PTPN12: variants seen among roughly 807,000 people sequenced by gnomAD.
The protein encoded by PTPN12 is tyrosine-protein phosphatase non-receptor type 12.
PTPN12 carries 29 observed loss-of-function variants against 97.6 expected under a neutral mutation model. That is an observed-to-expected ratio of 0.30 (90% CI 0.22 to 0.41). The LOEUF is 0.41. PTPN12 is among the 10% of genes least tolerant of loss of function. The pLI, the probability that PTPN12 is intolerant of heterozygous loss-of-function variation, is 1.00. For synonymous variants in PTPN12, 327 were observed against 300.4 expected, an observed-to-expected ratio of 1.09 and a Z score of -0.91; for missense variants, 819 against 926.0, an observed-to-expected ratio of 0.88 and a Z score of 1.50.
Position 77,627,364 on chromosome 7 carries a change from C to T in PTPN12, c.1685C>T (p.Thr562Ile). 2 of 1,614,028 alleles carry T rather than the reference C, an allele frequency of 1.2e-6. No homozygotes were observed. Among genetic ancestry groups the T allele is most frequent in the Non-Finnish European group, 1.7e-6 (2 of 1,179,928 alleles). The change falls in exon 13 of 18, where the codon ACT becomes ATT. Residue 562 changes from threonine (T) to isoleucine (I), a missense_variant. By Grantham distance (89) the Thr-to-Ile change is moderately conservative (BLOSUM62 -1). Transcript: ENST00000248594. ...AATTCCTCAGATATCAACTATCAAA[C>T]TAGGAAAACTGTGAGTTTAACACCA... is the stretch of plus-strand genomic sequence containing the variant. Reference protein sequence around the residue: ...EGNSSDINYQTRKTVSLTPSP... With the variant: ...EGNSSDINYQIRKTVSLTPSP...
chr7:77,617,681 A>T (rs995500290), intron 11 of PTPN12, among the ~76,000 whole-genome samples: 1 of 152,228 alleles, frequency 6.6e-6, no homozygotes, highest in African/African-American at 2.4e-5. Context: ...TTCTGGACAT[A>T]ACATACCCTA....
intron 1 of PTPN12, among the ~76,000 whole-genome samples, chr7:77,564,753 T>TGTTTTTG (rs1562715116): frequency 2.5e-5 from 2 of 81,628 alleles, no homozygotes; most frequent in African/African-American, 1.1e-4. Flanking sequence ...CGTGTTTTTT[T>TGTTTTTG]TTTTTTTTTT....
chr7:77,600,633 C>T lies in PTPN12; in HGVS notation c.553-31C>T. The T allele has an allele frequency of 2.6e-6, 4 of 1,542,692 alleles. No homozygotes were observed. In the South Asian group the frequency reaches 4.9e-5, roughly 19 times the overall value. ...AACTTTAAACTTTGCAAAGTATTTT[C>T]ATAATTGTTGACTTTCTGTTTTTCT... is the stretch of plus-strand genomic sequence containing the variant. On this transcript the variant is annotated intron_variant, in intron 7 of 17. Transcript: ENST00000248594.
At chr7:77,603,751 T>C (rs1425860606) in intron 8 of PTPN12, among the ~76,000 whole-genome samples, 1 of 152,208 alleles carries the variant, frequency 6.6e-6, no homozygotes, top group East Asian at 1.9e-4. Context: ...CATAAACTTT[T>C]AAAGTATTTT....
At chr7:77,544,993 A>G (rs1050934353) in intron 1 of PTPN12, among the ~76,000 whole-genome samples, 1 of 152,250 alleles carries the variant, frequency 6.6e-6, no homozygotes, top group African/African-American at 2.4e-5. Context: ...AAAATACAAG[A>G]TAAGAGCTAC....
At position 77,537,476 on chromosome 7, in the gene PTPN12, C is replaced by G; in HGVS notation, c.-71C>G. ...TGCTGGGGGAACGAGCTGGGGAAGA[C>G]GGAGCGGGCTCTGTGCCGGGCGGGC... On this transcript the variant is annotated 5_prime_UTR_variant, in exon 1 of 18. Transcript: ENST00000248594. The G allele has an allele frequency of 1.7e-6, 2 of 1,149,964 alleles. No individual in the cohort carries two copies. The highest frequency in any genetic ancestry group is 2.2e-6 in the Non-Finnish European group (2 of 897,444). The allele number at this position is 1,149,964 out of a possible 1,614,324, so 71.2% of individuals were successfully genotyped here.
intron 11 of PTPN12, among the ~76,000 whole-genome samples, chr7:77,613,167 G>GT (rs576216122): frequency 0.027 from 2,371 of 88,376 alleles, 20 homozygotes; most frequent in Non-Finnish European, 0.034. Context: ...TAATTTTTGG[G>GT]TTTTTTTTTT....
chr7:77,538,033 G>T (rs952856232), intron 1 of PTPN12: 1 of 1,016,418 alleles, frequency 9.8e-7, no homozygotes, highest in African/African-American at 1.7e-5. Context: ...CCTCCCAGGA[G>T]GGTCGAGGCA....
chr7:77,639,141 A>G (rs183707628), intron 17 of PTPN12, 78 bp from the exon 18 acceptor site: 659 of 1,135,412 alleles, frequency 5.8e-4, no homozygotes, highest in Non-Finnish European at 7.8e-4. Context: ...AGAAAATGAG[A>G]ATGTCTGTGG....
chr7:77,554,964 A>T (rs1249805661), intron 1 of PTPN12, among the ~76,000 whole-genome samples: 4 of 152,192 alleles, frequency 2.6e-5, no homozygotes, highest in Middle Eastern at 3.2e-3. Context: ...TTAGGACTAC[A>T]GGCATGAACC....
intron 5 of PTPN12, among the ~76,000 whole-genome samples, chr7:77,586,370 G>A (rs559746471): frequency 6.5e-4 from 99 of 152,272 alleles, no homozygotes; most frequent in African/African-American, 2.2e-3. Context: ...GATGGCTGCC[G>A]ACTGATCAAG....
At chr7:77,571,521 G>C (rs1787133837) in intron 2 of PTPN12, among the ~76,000 whole-genome samples, 1 of 152,052 alleles carries the variant, frequency 6.6e-6, no homozygotes, top group Non-Finnish European at 1.5e-5. Context: ...TTTATAAAAT[G>C]CTAACAATGT....
At chr7:77,551,327 C>A (rs1807469842) in intron 1 of PTPN12, among the ~76,000 whole-genome samples, 1 of 152,210 alleles carries the variant, frequency 6.6e-6, no homozygotes, top group Non-Finnish European at 1.5e-5. Flanking sequence ...TCCCAAAGTG[C>A]TGAGATTACA....
chr7:77,613,717 C>G (rs1399949019), intron 11 of PTPN12, among the ~76,000 whole-genome samples: 1 of 151,720 alleles, frequency 6.6e-6, no homozygotes, highest in Non-Finnish European at 1.5e-5. Context: ...GATTAGCCTC[C>G]CAGACTCACG....
intron 1 of PTPN12, 84 bp downstream of exon 1, chr7:77,537,729 G>A: frequency 7.0e-7 from 1 of 1,426,552 alleles, no homozygotes; most frequent in Non-Finnish European, 9.4e-7. Flanking sequence ...CCAGTGCTTT[G>A]TGTACCTCTG....
intron 8 of PTPN12, among the ~76,000 whole-genome samples, chr7:77,605,443 G>A (rs1211132846): frequency 1.5e-5 from 1 of 68,564 alleles, no homozygotes; most frequent in Non-Finnish European, 2.9e-5. Context: ...TTTTTGAGAC[G>A]GAGTCTCGCT....
intron 1 of PTPN12, among the ~76,000 whole-genome samples, chr7:77,554,568 T>G (rs920814116): frequency 6.6e-6 from 1 of 151,978 alleles, no homozygotes; most frequent in Admixed American, 6.5e-5. Flanking sequence ...TTCTCTCATT[T>G]CTTCTTCCTT....
chr7:77,554,092 A>G (rs1807595602), intron 1 of PTPN12, among the ~76,000 whole-genome samples: 1 of 152,124 alleles, frequency 6.6e-6, no homozygotes, highest in Admixed American at 6.5e-5. Context: ...CAGCCTCCTG[A>G]GTAGCTAGGA....
Position 77,626,868 on chromosome 7 carries a change from T to G in PTPN12, c.1189T>G (p.Ser397Ala). ...TCCAAAGCCAGTGTTGCATATGGTT[T>G]CATCAGAACAACATTCAGCAGACCT... ...YHPKPVLHMV[S>A]SEQHSADLNR... is the part of the protein sequence containing the mutation. Residue 397 changes from serine to alanine, a missense_variant, in exon 13 of 18, where the codon TCA becomes GCA. Around this residue, in one of 5 missense-constraint regions of PTPN12, gnomAD observed 607 missense variants for 577.3 expected, o/e 1.05. Transcript: ENST00000248594. 2 of 1,613,492 alleles carry G rather than the reference T, an allele frequency of 1.2e-6. No homozygotes were observed. Among genetic ancestry groups the G allele is most frequent in the Non-Finnish European group, 1.7e-6 (2 of 1,179,450 alleles).
Sources: allele counts gnomAD v4.1 joint callset (sites outside exome capture counted in the v4.1 genomes callset), GRCh38; gene constraint gnomAD v4.1.1; regional missense constraint gnomAD v4.1.1; transcripts MANE v1.5; gene names NCBI Gene and HGNC (gene_info 2026-07-23, HGNC 2026-07-21).